Variants in GRM7 observed in about 807,000 individuals in gnomAD.
The protein encoded by GRM7 is metabotropic glutamate receptor 7.
A neutral mutation model predicts 84.5 loss-of-function variants in GRM7; 35 were observed. That is an observed-to-expected ratio of 0.41 (90% CI 0.32 to 0.55). GRM7 has a LOEUF of 0.55. Among genes scored for constraint, GRM7 ranks in the 20% least tolerant of loss-of-function variants. The pLI is 0.19. For missense variants in GRM7, 1,003 were observed against 1,194.6 expected (o/e 0.84, Z 2.36); for synonymous variants, 487 against 455.1 (o/e 1.07, Z -0.89).
At chr3:6,937,047 A>C (rs1697718010) in intron 1 of GRM7, among the ~76,000 whole-genome samples, 1 of 152,212 alleles carries the variant, frequency 6.6e-6, no homozygotes, top group Non-Finnish European at 1.5e-5. Context: ...TTAGGGGTAT[A>C]ATGTAACATC....
intron 4 of GRM7, among the ~76,000 whole-genome samples, chr3:7,376,181 G>T (rs906387841): frequency 1.3e-5 from 2 of 152,158 alleles, no homozygotes; most frequent in African/African-American, 2.4e-5. Flanking sequence ...GACAAGCAGT[G>T]TTCTTACACC....
chr3:7,352,999 T>C (rs1275470847), intron 4 of GRM7, among the ~76,000 whole-genome samples: 1 of 152,108 alleles, frequency 6.6e-6, no homozygotes, highest in African/African-American at 2.4e-5. Context: ...TGTCTGATTT[T>C]CAGAAATTTC....
At chr3:7,301,902 T>G (rs141643886) in intron 3 of GRM7, among the ~76,000 whole-genome samples, 652 of 152,268 alleles carry the variant, frequency 4.3e-3, no homozygotes, top group Non-Finnish European at 6.9e-3. Flanking sequence ...CTTCAGATAC[T>G]TTGTCAAAGG....
intron 4 of GRM7, among the ~76,000 whole-genome samples, chr3:7,345,268 T>C (rs1474214440): frequency 1.3e-5 from 2 of 151,760 alleles, no homozygotes; most frequent in African/African-American, 4.8e-5. Flanking sequence ...ATCTTAACAA[T>C]TATTCCTTTT....
chr3:7,734,781 T>G (rs932717325), intron 9 of GRM7, among the ~76,000 whole-genome samples: 1 of 152,242 alleles, frequency 6.6e-6, no homozygotes, highest in African/African-American at 2.4e-5. Context: ...AGTCATGTTC[T>G]TCATTCTTTA....
rs1395856015 is a variant in GRM7 at position 7,188,800 on chromosome 3, T to C, written c.736+42132T>C. ...GCCTCCTTTCCTCCTGTGGCCCTGA[T>C]ATTCTGTAGTGACTCATGATCATTG... is the stretch of plus-strand genomic sequence containing the variant. On this transcript the variant is annotated intron_variant, in intron 2 of 9. Transcript: ENST00000357716. The surrounding 1 kb of genome is among the most constrained non-coding windows in gnomAD (Gnocchi z 4.2). Among the ~76,000 whole-genome samples the C allele has an allele frequency of 6.6e-6, 1 of 152,198 alleles. No homozygotes were observed. The highest frequency in any genetic ancestry group is 2.4e-5 in the African/African-American group (1 of 41,444).
chr3:7,532,758 A>G (rs1296684071), intron 7 of GRM7, among the ~76,000 whole-genome samples: 1 of 137,530 alleles, frequency 7.3e-6, no homozygotes, highest in Non-Finnish European at 1.5e-5. Flanking sequence ...GTGGGCATTT[A>G]GTGCTATAAG....
chr3:7,564,120 GA>G (rs1694153961), intron 7 of GRM7, among the ~76,000 whole-genome samples: 1 of 152,176 alleles, frequency 6.6e-6, no homozygotes, highest in Admixed American at 6.5e-5. Context: ...GGACAAAGAA[GA>G]AAAGGGTTTA....
At chr3:7,182,904 T>G (rs868412437) in intron 2 of GRM7, among the ~76,000 whole-genome samples, 3,419 of 150,396 alleles carry the variant, frequency 0.023, 120 homozygotes, top group African/African-American at 0.07. Context: ...GTGTTTTTTT[T>G]TTTTTTTTTT....
chr3:6,899,665 GA>G (rs1165131123), intron 1 of GRM7, among the ~76,000 whole-genome samples: 1 of 152,126 alleles, frequency 6.6e-6, no homozygotes, highest in Non-Finnish European at 1.5e-5. Flanking sequence ...GGATGCCAGA[GA>G]AAAAGAAAAT....
At chr3:6,882,398 A>C (rs1361916354) in intron 1 of GRM7, among the ~76,000 whole-genome samples, 1 of 152,154 alleles carries the variant, frequency 6.6e-6, no homozygotes, top group East Asian at 1.9e-4. Flanking sequence ...GAAAAAGTAT[A>C]AGCCAGGCAT....
Position 7,395,691 on chromosome 3 carries a change from G to T in GRM7, c.1034-19332G>T, listed in dbSNP as rs146063683. ...AGCTCTCTTGCCTGCTGCCATGTAA[G>T]ATATGACTTTGCTTCTTATTCGCTT... is the stretch of plus-strand genomic sequence containing the variant. On this transcript the variant is annotated intron_variant, in intron 4 of 9. Coordinates refer to ENST00000357716, the MANE Select transcript of GRM7 (RefSeq NM_000844.4). Among the ~76,000 whole-genome samples the T allele has an allele frequency of 1.9e-4, 29 of 152,296 alleles. 1 individual carries two copies. The East Asian group carries it at 4.1e-3, about 21-fold the overall frequency.
At chr3:7,337,606 A>G (rs1443690958) in intron 4 of GRM7, among the ~76,000 whole-genome samples, 1 of 152,122 alleles carries the variant, frequency 6.6e-6, no homozygotes, top group Non-Finnish European at 1.5e-5. Context: ...GGACATGAAC[A>G]GACAATTCTC....
At chr3:7,150,086 TGA>T (rs370334123) in intron 2 of GRM7, among the ~76,000 whole-genome samples, 15 of 149,938 alleles carry the variant, frequency 1.0e-4, no homozygotes, top group Admixed American at 4.0e-4. Flanking sequence ...TGTGTGTGTG[TGA>T]GAGAGAGAGA....
At position 7,384,329 on chromosome 3, in the gene GRM7, G is replaced by A. The variant is rs150461682; in HGVS notation, c.1034-30694G>A. Reference sequence around the variant, plus strand: ...CAGGCATGAGGTACTGCACCTGGCCGAATAATACATTTGTATCAATTTTTG... The same window carrying A: ...CAGGCATGAGGTACTGCACCTGGCCAAATAATACATTTGTATCAATTTTTG... On this transcript the variant is annotated intron_variant, in intron 4 of 9. Transcript: ENST00000357716. Among the ~76,000 whole-genome samples the A allele has an allele frequency of 5.7e-4, 86 of 152,120 alleles. 1 individual carries two copies. Among genetic ancestry groups the A allele is most frequent in the African/African-American group, 2.0e-3 (81 of 41,524 alleles).
chr3:7,042,282 G>C (rs1696652812), intron 1 of GRM7, among the ~76,000 whole-genome samples: 1 of 152,150 alleles, frequency 6.6e-6, no homozygotes, highest in South Asian at 2.1e-4. Context: ...CAACAAGCTT[G>C]TGTCCACTGC....
chr3:6,861,699 G>A lies in GRM7; in HGVS notation c.311G>A (p.Arg104Gln), dbSNP rs1358525720. The change falls in exon 1 of 10, where the codon CGG becomes CAG. Residue 104 changes from arginine (R) to glutamine (Q), a missense_variant. Physicochemically the swap from Arg to Gln is conservative, Grantham distance 43. Around this residue, in one of 2 missense-constraint regions of GRM7, gnomAD observed 910 missense variants for 1,126.0 expected, o/e 0.81. Coordinates refer to ENST00000357716, the MANE Select transcript of GRM7 (RefSeq NM_000844.4). The surrounding 1 kb of genome is among the most constrained non-coding windows in gnomAD (Gnocchi z 6.4). The part of the protein sequence containing the change: ...NLLPNVTLGA[R>Q]ILDTCSRDTY... ...CTGCCCAACGTGACGCTGGGCGCGC[G>A]GATCCTGGACACTTGTTCCAGGGAC... The A allele has an allele frequency of 4.3e-6, 7 of 1,614,040 alleles. No homozygotes were observed. In the Admixed American group the frequency reaches 6.7e-5, roughly 15 times the overall value.
chr3:6,950,885 G>A (rs115937108), intron 1 of GRM7, among the ~76,000 whole-genome samples: 16,594 of 152,216 alleles, frequency 0.11, 1,026 homozygotes, highest in East Asian at 0.21. Context: ...CCAGTGTGCC[G>A]TTTGATAAGC....
At chr3:7,565,691 A>C (rs989064476) in intron 7 of GRM7, among the ~76,000 whole-genome samples, 4 of 152,194 alleles carry the variant, frequency 2.6e-5, no homozygotes, top group South Asian at 2.1e-4. Flanking sequence ...GGATGACATG[A>C]TTAGACCTGC....
Sources: gnomAD v4.1 joint callset for allele counts (sites outside exome capture counted in the v4.1 genomes callset) on GRCh38, gnomAD v4.1.1 for gene constraint, gnomAD v4.1.1 regional missense constraint, Gnocchi (gnomAD v3.1) non-coding constraint, MANE v1.5 for transcripts, NCBI Gene and HGNC (gene_info 2026-07-23, HGNC 2026-07-21) for gene names.